BRD10: variants seen among roughly 807,000 people sequenced by gnomAD.
The protein encoded by BRD10 is uncharacterized bromodomain-containing protein 10.
At chr9:5,969,882 A>T in the BRD10 span, among the ~76,000 whole-genome samples, 1 of 152,140 alleles carries the variant, frequency 6.6e-6, no homozygotes, top group Non-Finnish European at 1.5e-5. Context: ...AGTGTCTCAT[A>T]ACAGTACCAT....
the BRD10 span, chr9:5,919,791 A>G: frequency 6.2e-7 from 1 of 1,613,708 alleles, no homozygotes. Flanking sequence ...AGAGATGGAG[A>G]GAGTGAAGAA....
At chr9:5,923,090 A>ACAT in the BRD10 span, 1 of 1,613,992 alleles carries the variant, frequency 6.2e-7, no homozygotes, top group Non-Finnish European at 8.5e-7. Flanking sequence ...GTCAATCTGC[A>ACAT]CATCACTTTC....
the BRD10 span, among the ~76,000 whole-genome samples, chr9:5,942,203 A>T: frequency 3.3e-5 from 5 of 152,052 alleles, no homozygotes; most frequent in South Asian, 1.0e-3. Flanking sequence ...GGCTTCCTAT[A>T]TATAACAATA....
the BRD10 span, among the ~76,000 whole-genome samples, chr9:5,882,314 G>T: frequency 2.0e-5 from 3 of 152,180 alleles, no homozygotes; most frequent in East Asian, 5.8e-4. Flanking sequence ...CCTTGATGGG[G>T]TGTTAAATAC....
At chr9:5,928,558 C>T in the BRD10 span, among the ~76,000 whole-genome samples, 1 of 152,176 alleles carries the variant, frequency 6.6e-6, no homozygotes, top group African/African-American at 2.4e-5. Flanking sequence ...ACACTTGCCT[C>T]TTTGCATCTC....
chr9:5,921,826 T>A, the BRD10 span: 161 of 1,613,862 alleles, frequency 1.0e-4, no homozygotes, highest in Non-Finnish European at 1.3e-4. Flanking sequence ...AGGGCATGTG[T>A]GAAGTTTTAT....
chr9:6,002,513 T>C, the BRD10 span, among the ~76,000 whole-genome samples: 1 of 152,190 alleles, frequency 6.6e-6, no homozygotes, highest in Non-Finnish European at 1.5e-5. Flanking sequence ...AAACATTTTG[T>C]TAAAATTTCC....
chr9:6,000,813 T>C, the BRD10 span, among the ~76,000 whole-genome samples: 1 of 152,226 alleles, frequency 6.6e-6, no homozygotes, highest in Non-Finnish European at 1.5e-5. Flanking sequence ...ATAACCCTAA[T>C]CTTTTTTCTT....
the BRD10 span, among the ~76,000 whole-genome samples, chr9:5,939,182 A>G: frequency 2.6e-5 from 4 of 152,164 alleles, no homozygotes; most frequent in Admixed American, 6.5e-5. Flanking sequence ...CATATAGTGA[A>G]AGCCGTTATT....
the BRD10 span, chr9:5,933,773 A>G: frequency 2.1e-6 from 1 of 471,048 alleles, no homozygotes; most frequent in East Asian, 6.9e-5. Context: ...GAACAACTGC[A>G]TTCTGCTACA....
the BRD10 span, among the ~76,000 whole-genome samples, chr9:5,998,248 T>C: frequency 0.021 from 3,144 of 151,576 alleles, 48 homozygotes; most frequent in Admixed American, 0.033. Flanking sequence ...AAGAGGGAGA[T>C]TTTCTCTTGT....
At chr9:5,988,046 T>C in the BRD10 span, among the ~76,000 whole-genome samples, 1 of 152,194 alleles carries the variant, frequency 6.6e-6, no homozygotes, top group African/African-American at 2.4e-5. Context: ...GTTCTAAAAC[T>C]ACAAACCTAT....
chr9:5,884,327 A>G, the BRD10 span, among the ~76,000 whole-genome samples: 8 of 152,216 alleles, frequency 5.3e-5, no homozygotes, highest in Middle Eastern at 3.2e-3. Flanking sequence ...ACAGCCTACA[A>G]GATCAGTCCA....
At chr9:5,879,509 G>C in the BRD10 span, among the ~76,000 whole-genome samples, 4 of 152,176 alleles carry the variant, frequency 2.6e-5, no homozygotes, top group East Asian at 1.9e-4. Flanking sequence ...CTAAAGGGCT[G>C]GTTGACCCAT....
chr9:5,903,572 T>G, the BRD10 span, among the ~76,000 whole-genome samples: 4 of 152,216 alleles, frequency 2.6e-5, no homozygotes, highest in African/African-American at 9.6e-5. Context: ...GTGTTATTTC[T>G]GATAGAGAGA....
chr9:5,957,421 T>A, the BRD10 span, among the ~76,000 whole-genome samples: 3 of 152,282 alleles, frequency 2.0e-5, no homozygotes, highest in South Asian at 6.2e-4. Flanking sequence ...TACTGCGCAT[T>A]TGTTATTCTA....
At chr9:5,918,666 G>C in the BRD10 span, among the ~76,000 whole-genome samples, 1 of 133,116 alleles carries the variant, frequency 7.5e-6, no homozygotes, top group Non-Finnish European at 1.6e-5. Flanking sequence ...TTTGCCATTA[G>C]TGGCATTAGT....
At chr9:5,914,735 T>C in the BRD10 span, among the ~76,000 whole-genome samples, 21 of 152,130 alleles carry the variant, frequency 1.4e-4, no homozygotes, top group African/African-American at 5.1e-4. Flanking sequence ...ATCTAGATGG[T>C]TTTAATAAAA....
chr9:5,946,397 C>G, the BRD10 span, among the ~76,000 whole-genome samples: 1 of 151,994 alleles, frequency 6.6e-6, no homozygotes, highest in African/African-American at 2.4e-5. Flanking sequence ...ACTACACATT[C>G]CAATTTGCCA....
Sources: gnomAD v4.1 joint callset for allele counts (sites outside exome capture counted in the v4.1 genomes callset) on GRCh38, gnomAD v4.1.1 for gene constraint, MANE v1.5 for transcripts, NCBI Gene and HGNC (gene_info 2026-07-23, HGNC 2026-07-21) for gene names.